Variants in DNM3 observed in about 807,000 individuals in gnomAD.
The protein encoded by DNM3 is dynamin 3.
Under a neutral mutation model 101.6 loss-of-function variants are expected in DNM3, and 47 were observed. That is an observed-to-expected ratio of 0.46 (90% CI 0.37 to 0.59). The LOEUF is 0.59. DNM3 is among the 20% of genes least tolerant of loss of function. The pLI, the probability that DNM3 is intolerant of heterozygous loss-of-function variation, is 0.00. For missense variants in DNM3, 849 were observed against 1,085.7 expected (o/e 0.78, Z 3.06); for synonymous variants, 385 against 387.9 (o/e 0.99, Z 0.09).
At chr1:172,210,799 C>G (rs920127430) in intron 14 of DNM3, among the ~76,000 whole-genome samples, 5 of 152,076 alleles carry the variant, frequency 3.3e-5, no homozygotes, top group Admixed American at 6.6e-5. Context: ...GAGGCTTCAA[C>G]ATACATCAGC....
chr1:171,972,962 A>C (rs549136287), intron 2 of DNM3, among the ~76,000 whole-genome samples: 8 of 152,334 alleles, frequency 5.3e-5, no homozygotes, highest in African/African-American at 1.9e-4. Flanking sequence ...TTATTTGCAC[A>C]ATTCTGTGTA....
At chr1:172,265,868 G>A (rs955348411) in intron 15 of DNM3, among the ~76,000 whole-genome samples, 7 of 152,130 alleles carry the variant, frequency 4.6e-5, no homozygotes, top group African/African-American at 1.7e-4. Context: ...TATTTTCTGA[G>A]CACTCCTTGG....
chr1:172,369,048 A>C (rs184427787), intron 17 of DNM3, among the ~76,000 whole-genome samples: 1 of 152,062 alleles, frequency 6.6e-6, no homozygotes, highest in Non-Finnish European at 1.5e-5. Flanking sequence ...AATTCTACCA[A>C]ACCTTAAAAG....
At position 172,081,877 on chromosome 1, in the gene DNM3, C is replaced by T. The variant is rs759948810; in HGVS notation, c.1468C>T (p.His490Tyr). Residue 490 changes from histidine to tyrosine, a missense_variant, in exon 12 of 21, where the codon CAT becomes TAT. By Grantham distance (83) the His-to-Tyr change is moderately conservative. Transcript: ENST00000627582. ...DIQVSYINTN[H>Y]EDFIGFANAQ... ...TCAAGTCTCTTACATCAACACCAACCATGAAGACTTCATTGGCTTCGCAAA... is the reference window on the plus strand; with the variant it reads ...TCAAGTCTCTTACATCAACACCAACTATGAAGACTTCATTGGCTTCGCAAA... 1.9e-6 allele frequency: 3 copies of T among 1,613,158 alleles called. No individual in the cohort carries two copies. The highest frequency in any genetic ancestry group is 2.5e-6 in the Non-Finnish European group (3 of 1,179,488).
chr1:172,248,149 T>C (rs1241483714), intron 14 of DNM3, among the ~76,000 whole-genome samples: 1 of 152,208 alleles, frequency 6.6e-6, no homozygotes, highest in African/African-American at 2.4e-5. Context: ...TTTGTATGAA[T>C]CAAATCAGAG....
intron 11 of DNM3, among the ~76,000 whole-genome samples, chr1:172,077,676 G>A (rs1054613379): frequency 7.2e-5 from 11 of 152,146 alleles, no homozygotes; most frequent in African/African-American, 2.7e-4. Context: ...CTGAGAGACT[G>A]TTTGTTATGA....
intron 17 of DNM3, among the ~76,000 whole-genome samples, chr1:172,361,529 T>A (rs1185303154): frequency 6.6e-6 from 1 of 151,988 alleles, no homozygotes; most frequent in Non-Finnish European, 1.5e-5. Flanking sequence ...TGCAGGGTTC[T>A]CAAACTGGAG....
chr1:171,924,530 A>G (rs1452800018), intron 2 of DNM3, among the ~76,000 whole-genome samples: 1 of 152,190 alleles, frequency 6.6e-6, no homozygotes, highest in Non-Finnish European at 1.5e-5. Context: ...CTTCTTCACA[A>G]GGTGGCAGGA....
intron 2 of DNM3, among the ~76,000 whole-genome samples, chr1:171,933,326 T>C (rs1316847976): frequency 1.3e-5 from 2 of 152,220 alleles, no homozygotes; most frequent in African/African-American, 4.8e-5. Context: ...CAGATCTTAA[T>C]TGGGACATAA....
chr1:171,856,665 C>T (rs2033646438), intron 1 of DNM3, among the ~76,000 whole-genome samples: 1 of 152,026 alleles, frequency 6.6e-6, no homozygotes, highest in South Asian at 2.1e-4. Flanking sequence ...CCTGATTTGG[C>T]TCTCAGCTTG....
At chr1:172,233,315 A>G (rs1201493472) in intron 14 of DNM3, among the ~76,000 whole-genome samples, 1 of 152,224 alleles carries the variant, frequency 6.6e-6, no homozygotes, top group African/African-American at 2.4e-5. Context: ...TCCTGGACAC[A>G]TACACCCTCA....
chr1:172,259,867 TG>T, intron 15 of DNM3, among the ~76,000 whole-genome samples: 1 of 152,216 alleles, frequency 6.6e-6, no homozygotes, highest in Non-Finnish European at 1.5e-5. Context: ...CATTCTGTAG[TG>T]GTTACATTTA....
chr1:172,075,129 T>C (rs1343229507), intron 11 of DNM3, among the ~76,000 whole-genome samples: 3 of 151,952 alleles, frequency 2.0e-5, no homozygotes, highest in African/African-American at 7.3e-5. Context: ...TTTTGAGAAG[T>C]GTCTGTTCAT....
intron 14 of DNM3, among the ~76,000 whole-genome samples, chr1:172,169,130 A>T (rs1175983714): frequency 1.3e-5 from 2 of 151,912 alleles, no homozygotes; most frequent in African/African-American, 2.4e-5. Context: ...TTTATAAGAC[A>T]GAATCCTTCC....
chr1:172,088,557 T>A (rs1558549924), intron 12 of DNM3, among the ~76,000 whole-genome samples: 1 of 152,122 alleles, frequency 6.6e-6, no homozygotes, highest in African/African-American at 2.4e-5. Flanking sequence ...GCTTTTAAGA[T>A]CACTTACAAA....
intron 1 of DNM3, among the ~76,000 whole-genome samples, chr1:171,919,683 A>G (rs1018671366): frequency 1.3e-5 from 2 of 152,218 alleles, no homozygotes; most frequent in East Asian, 1.9e-4. Context: ...AAGCCATCTA[A>G]ACTAGCAGTT....
At chr1:172,377,815 G>A (rs1038202058) in intron 17 of DNM3, among the ~76,000 whole-genome samples, 3 of 151,764 alleles carry the variant, frequency 2.0e-5, no homozygotes, top group Non-Finnish European at 4.4e-5. Context: ...TAGAACAATA[G>A]ACATTTCTGA....
At chr1:172,289,963 C>T (rs1425616329) in intron 15 of DNM3, 1 of 924,108 alleles carries the variant, frequency 1.1e-6, no homozygotes, top group African/African-American at 1.8e-5. Context: ...ATTTATAGTC[C>T]TAATTTATTA....
At chr1:172,228,274 C>G (rs1391359274) in intron 14 of DNM3, among the ~76,000 whole-genome samples, 2 of 151,756 alleles carry the variant, frequency 1.3e-5, no homozygotes, top group Non-Finnish European at 2.9e-5. Flanking sequence ...TGAGATTTGA[C>G]CTATCTAAAA....
Sources: gnomAD v4.1 joint callset for allele counts (sites outside exome capture counted in the v4.1 genomes callset) on GRCh38, gnomAD v4.1.1 for gene constraint, MANE v1.5 for transcripts, NCBI Gene and HGNC (gene_info 2026-07-23, HGNC 2026-07-21) for gene names.